TMC1: variants seen among roughly 807,000 people sequenced by gnomAD.
TMC1 encodes transmembrane channel like 1, also known as transmembrane channel-like protein 1.
In TMC1, 84 loss-of-function variants were observed where a neutral mutation model predicts 105.8. That is an observed-to-expected ratio of 0.79 (90% CI 0.67 to 0.95). The LOEUF (loss-of-function observed/expected upper bound fraction) is 0.95, where lower values mean the gene tolerates loss of function less well. TMC1 is among the 40% of genes least tolerant of loss of function. The pLI is 0.00. For missense variants in TMC1, 817 were observed against 914.1 expected (o/e 0.89, Z 1.37); for synonymous variants, 315 against 311.5 (o/e 1.01, Z -0.12).
chr9:72,727,650 A>C (rs1451650886), intron 8 of TMC1, among the ~76,000 whole-genome samples: 1 of 152,164 alleles, frequency 6.6e-6, no homozygotes, highest in Non-Finnish European at 1.5e-5. Flanking sequence ...GGTTTTAGAC[A>C]GAGTTTCCTT....
At chr9:72,817,696 G>T (rs983593400) in intron 19 of TMC1, among the ~76,000 whole-genome samples, 43 of 152,172 alleles carry the variant, frequency 2.8e-4, no homozygotes, top group Admixed American at 2.8e-3. Flanking sequence ...TGTCAGAAAA[G>T]CTGTTATAAT....
At chr9:72,635,987 CT>C (rs1045292853) in intron 4 of TMC1, among the ~76,000 whole-genome samples, 16 of 152,260 alleles carry the variant, frequency 1.1e-4, no homozygotes, top group African/African-American at 3.8e-4. Flanking sequence ...CCAAAATTAC[CT>C]GTGTCAGAAG....
chr9:72,690,033 AT>A (rs1394669457), intron 6 of TMC1, among the ~76,000 whole-genome samples: 1 of 151,620 alleles, frequency 6.6e-6, no homozygotes. Flanking sequence ...TCCCTTTTTT[AT>A]CTCATGTTAT....
At chr9:72,578,924 G>C (rs1188348291) in intron 2 of TMC1, among the ~76,000 whole-genome samples, 1 of 152,152 alleles carries the variant, frequency 6.6e-6, no homozygotes, top group Non-Finnish European at 1.5e-5. Flanking sequence ...TTTCGATGTT[G>C]GTCGTTGGAT....
At chr9:72,755,253 C>G (rs1448823001) in intron 12 of TMC1, among the ~76,000 whole-genome samples, 1 of 152,100 alleles carries the variant, frequency 6.6e-6, no homozygotes, top group Non-Finnish European at 1.5e-5. Context: ...AGCAAATATT[C>G]TTATCACTGA....
chr9:72,722,143 C>T (rs932423378), intron 8 of TMC1, among the ~76,000 whole-genome samples: 1 of 152,080 alleles, frequency 6.6e-6, no homozygotes, highest in Non-Finnish European at 1.5e-5. Context: ...CTTATGAGAA[C>T]ATTGAAAACA....
intron 13 of TMC1, among the ~76,000 whole-genome samples, chr9:72,777,208 C>A (rs1588078372): frequency 6.6e-6 from 1 of 152,122 alleles, no homozygotes; most frequent in Non-Finnish European, 1.5e-5. Flanking sequence ...CAGTTATGAC[C>A]TACCTGATAC....
At position 72,684,296 on chromosome 9, in the gene TMC1, C is replaced by T. The variant is rs145089506; in HGVS notation, c.17-4413C>T. Among the ~76,000 whole-genome samples the T allele has an allele frequency of 1.1e-3, 163 of 152,268 alleles. 1 individual carries two copies. The highest frequency in any genetic ancestry group is 3.6e-3 in the African/African-American group (150 of 41,558). On this transcript the variant is annotated intron_variant, in intron 5 of 23. Transcript: ENST00000297784. ...TGAATTCAGCTTTTTGCCCACACAA[C>T]TGCACTAAACATATGCCTGCCAAGA... is the stretch of plus-strand genomic sequence containing the variant.
intron 5 of TMC1, among the ~76,000 whole-genome samples, chr9:72,676,212 T>C (rs1451545480): frequency 1.3e-5 from 2 of 152,210 alleles, no homozygotes; most frequent in African/African-American, 4.8e-5. Context: ...TTTAGGGTAA[T>C]ATTTTATGCC....
Position 72,601,195 on chromosome 9 carries a change from G to GACACACAC in TMC1, c.-305-15155_-305-15148dup, listed in dbSNP as rs71357599. On this transcript the variant is annotated intron_variant, in intron 2 of 23. Transcript: ENST00000297784. ...ACACACACACACACACACACACACA[G>GACACACAC]ACACACACACACACACACACACACA... is the stretch of plus-strand genomic sequence containing the variant. 9.6e-4 allele frequency among the ~76,000 whole-genome samples: 90 copies of GACACACAC among 93,666 alleles called. 1 individual carries two copies. The highest frequency in any genetic ancestry group is 3.0e-3 in the African/African-American group (73 of 23,954). 61.4% of individuals were successfully genotyped at this position (93,666 alleles called of 152,430 possible).
intron 8 of TMC1, among the ~76,000 whole-genome samples, chr9:72,738,568 C>T (rs908826948): frequency 2.0e-5 from 3 of 152,108 alleles, no homozygotes; most frequent in African/African-American, 7.2e-5. Context: ...CAGGTACACA[C>T]CACCACGCCT....
At position 72,552,816 on chromosome 9, in the gene TMC1, T is replaced by G. The variant is rs145752726; in HGVS notation, c.-427-25086T>G. 4.1e-3 allele frequency among the ~76,000 whole-genome samples: 630 copies of G among 152,286 alleles called. 5 individuals carry two copies. Among genetic ancestry groups the G allele is most frequent in the African/African-American group, 0.014 (599 of 41,568 alleles). ...TTCTGTTCGGATTTAATGGCTGATC[T>G]ATTTATCATATTAAAAGAGGGATCA... On this transcript the variant is annotated intron_variant, in intron 1 of 23. Coordinates refer to ENST00000297784, the MANE Select transcript of TMC1 (RefSeq NM_138691.3).
At chr9:72,816,650 T>A (rs575872119) in intron 19 of TMC1, among the ~76,000 whole-genome samples, 252 of 152,316 alleles carry the variant, frequency 1.7e-3, no homozygotes, top group Non-Finnish European at 2.9e-3. Flanking sequence ...AATAATACCT[T>A]ATCAAATCCA....
intron 10 of TMC1, among the ~76,000 whole-genome samples, chr9:72,748,076 A>G (rs2118043628): frequency 6.6e-6 from 1 of 152,312 alleles, no homozygotes; most frequent in Non-Finnish European, 1.5e-5. Context: ...TTTATTGTAT[A>G]TATCATAGTC....
At chr9:72,774,809 A>T (rs1827982154) in intron 13 of TMC1, among the ~76,000 whole-genome samples, 1 of 152,172 alleles carries the variant, frequency 6.6e-6, no homozygotes, top group South Asian at 2.1e-4. Flanking sequence ...ATGAGATATA[A>T]ATCTTTGTAC....
intron 1 of TMC1, among the ~76,000 whole-genome samples, chr9:72,532,455 C>G (rs775151718): frequency 1.4e-5 from 2 of 145,302 alleles, no homozygotes; most frequent in Non-Finnish European, 3.0e-5. Context: ...GCAGGAGAAT[C>G]GCTTGAATCT....
intron 12 of TMC1, among the ~76,000 whole-genome samples, chr9:72,756,552 T>C (rs1477605164): frequency 6.6e-6 from 1 of 152,172 alleles, no homozygotes; most frequent in South Asian, 2.1e-4. Context: ...TTTCAAATAA[T>C]GCATTACTAT....
At chr9:72,670,497 G>A (rs1035952964) in intron 5 of TMC1, among the ~76,000 whole-genome samples, 3 of 152,092 alleles carry the variant, frequency 2.0e-5, no homozygotes, top group African/African-American at 7.2e-5. Flanking sequence ...AATTCATAAT[G>A]TCTAATATGC....
chr9:72,592,990 T>TA (rs1272052058), intron 2 of TMC1, among the ~76,000 whole-genome samples: 14 of 152,302 alleles, frequency 9.2e-5, no homozygotes, highest in African/African-American at 3.4e-4. Flanking sequence ...TCAGGGCTGT[T>TA]AAAACAGTAT....
Sources: allele counts gnomAD v4.1 joint callset (sites outside exome capture counted in the v4.1 genomes callset), GRCh38; gene constraint gnomAD v4.1.1; transcripts MANE v1.5; gene names NCBI Gene and HGNC (gene_info 2026-07-23, HGNC 2026-07-21).